The following CYP20A1 variants were observed in gnomAD, a reference collection of about 807,000 sequenced individuals.
CYP20A1 encodes cytochrome P450 family 20 subfamily A member 1.
CYP20A1 carries 61 observed loss-of-function variants against 61.4 expected under a neutral mutation model. The ratio of observed to expected loss-of-function variants is 0.99; its 90% CI spans 0.81 to 1.23. CYP20A1 has a LOEUF of 1.23. Ranked by LOEUF, CYP20A1 falls within the 50% of genes most tolerant of loss-of-function variation. The probability of loss-of-function intolerance (pLI) is 0.00; values close to 1 mark genes in which losing one functional copy is unlikely to be tolerated. For synonymous variants in CYP20A1, 193 were observed against 188.2 expected, an observed-to-expected ratio of 1.03 and a Z score of -0.21; for missense variants, 530 against 542.4, an observed-to-expected ratio of 0.98 and a Z score of 0.23.
chr2:203,296,194 G>T (rs1237533790), intron 11 of CYP20A1, among the ~76,000 whole-genome samples: 1 of 152,180 alleles, frequency 6.6e-6, no homozygotes, highest in Non-Finnish European at 1.5e-5. Context: ...AGTCCAGGAG[G>T]TCGAGGCTGC....
At chr2:203,279,354 A>G (rs930894092) in intron 7 of CYP20A1, among the ~76,000 whole-genome samples, 4 of 152,162 alleles carry the variant, frequency 2.6e-5, no homozygotes, top group Non-Finnish European at 5.9e-5. Flanking sequence ...ATATTATTTA[A>G]TATTATTAAA....
chr2:203,287,910 G>C (rs971430533), intron 9 of CYP20A1, among the ~76,000 whole-genome samples: 121 of 150,284 alleles, frequency 8.1e-4, no homozygotes, highest in African/African-American at 2.9e-3. Context: ...TTCTCTTTTC[G>C]TCTCTTCTTT....
chr2:203,294,831 C>T (rs1332950366), intron 11 of CYP20A1, among the ~76,000 whole-genome samples: 1 of 150,852 alleles, frequency 6.6e-6, no homozygotes, highest in East Asian at 2.0e-4. Flanking sequence ...GACGGGGTTT[C>T]ACCATGTTGC....
rs534962097 is a variant in CYP20A1 at position 203,250,445 on chromosome 2, A to G, written c.290-1522A>G. On this transcript the variant is annotated intron_variant, in intron 3 of 12. Coordinates refer to ENST00000356079, the MANE Select transcript of CYP20A1 (RefSeq NM_177538.3). ...TGCCTAAGGTCACAGCTAATTAGTGATGGAGCTAGGACTTGAAGTCAGGCA... is the reference window on the plus strand; with the variant it reads ...TGCCTAAGGTCACAGCTAATTAGTGGTGGAGCTAGGACTTGAAGTCAGGCA... 6.6e-4 allele frequency among the ~76,000 whole-genome samples: 100 copies of G among 152,324 alleles called. 1 individual carries two copies. Among genetic ancestry groups the G allele is most frequent in the African/African-American group, 2.3e-3 (94 of 41,572 alleles).
intron 4 of CYP20A1, among the ~76,000 whole-genome samples, chr2:203,258,681 T>C (rs972793598): frequency 1.3e-5 from 2 of 152,206 alleles, no homozygotes; most frequent in Non-Finnish European, 2.9e-5. Flanking sequence ...TGCACCCAAA[T>C]TCCCATTCTC....
chr2:203,247,277 TTAA>T (rs1165004213), intron 3 of CYP20A1, among the ~76,000 whole-genome samples: 1 of 151,686 alleles, frequency 6.6e-6, no homozygotes, highest in East Asian at 1.9e-4. Context: ...AAAAAAAGAA[TTAA>T]TGTTTATAAA....
At position 203,246,824 on chromosome 2, in the gene CYP20A1, A is replaced by G; in HGVS notation, c.192A>G (p.Arg64=). The G allele has an allele frequency of 6.2e-7, 1 of 1,614,102 alleles. No individual in the cohort carries two copies. The highest frequency in any genetic ancestry group is 1.1e-5 in the South Asian group (1 of 91,046). The change falls in exon 3 of 13, where the codon AGA becomes AGG. Residue 64 remains arginine, a synonymous_variant. Transcript: ENST00000356079. ...AGTTCCTGGTTAATTTGCATGAGAG[A>G]TATGGGCCTGTGGTCTCCTTCTGGT... ...LHEFLVNLHE[R]YGPVVSFWFG...
intron 9 of CYP20A1, among the ~76,000 whole-genome samples, chr2:203,287,360 C>T (rs1346513097): frequency 1.3e-5 from 2 of 151,350 alleles, no homozygotes; most frequent in Admixed American, 1.3e-4. Flanking sequence ...TTTTATCATA[C>T]CGAAGTGTAT....
intron 4 of CYP20A1, among the ~76,000 whole-genome samples, chr2:203,264,381 G>C (rs561728161): frequency 6.6e-6 from 1 of 152,010 alleles, no homozygotes; most frequent in Non-Finnish European, 1.5e-5. Context: ...CTACTTTGTC[G>C]TTATGAAATA....
intron 8 of CYP20A1, among the ~76,000 whole-genome samples, chr2:203,283,559 T>G (rs2068134825): frequency 6.8e-6 from 1 of 147,204 alleles, no homozygotes; most frequent in Non-Finnish European, 1.5e-5. Flanking sequence ...AATTTTTTTT[T>G]TTTTTTTTGA....
At chr2:203,239,397 C>T (rs1029111627) in intron 1 of CYP20A1, among the ~76,000 whole-genome samples, 3 of 152,222 alleles carry the variant, frequency 2.0e-5, no homozygotes, top group African/African-American at 7.2e-5. Flanking sequence ...AAAGCCCGCG[C>T]CCCCGCAGGC....
At chr2:203,283,035 G>A (rs2068106734) in intron 8 of CYP20A1, among the ~76,000 whole-genome samples, 1 of 151,840 alleles carries the variant, frequency 6.6e-6, no homozygotes, top group Non-Finnish European at 1.5e-5. Context: ...AGTTAGCTGT[G>A]CATGGTGGCA....
At chr2:203,284,618 G>A (rs999798855) in intron 8 of CYP20A1, among the ~76,000 whole-genome samples, 4 of 151,476 alleles carry the variant, frequency 2.6e-5, no homozygotes, top group Non-Finnish European at 4.4e-5. Context: ...AGATAAATTC[G>A]ATATTCCATT....
chr2:203,255,342 G>A (rs1362177786), intron 4 of CYP20A1, among the ~76,000 whole-genome samples: 2 of 152,084 alleles, frequency 1.3e-5, no homozygotes, highest in Admixed American at 6.5e-5. Flanking sequence ...CTTTGTTAAC[G>A]TATTAAATAG....
intron 2 of CYP20A1, among the ~76,000 whole-genome samples, 155 bp downstream of exon 2, chr2:203,246,050 G>A (rs1269912633): frequency 2.6e-5 from 4 of 152,158 alleles, no homozygotes; most frequent in Non-Finnish European, 5.9e-5. Flanking sequence ...ATGCTTCAGT[G>A]AGCTATGATT....
At chr2:203,263,875 T>G (rs559402110) in intron 4 of CYP20A1, among the ~76,000 whole-genome samples, 1 of 152,264 alleles carries the variant, frequency 6.6e-6, no homozygotes, top group East Asian at 1.9e-4. Flanking sequence ...GTTACTGTTG[T>G]TGATCTTTTT....
At chr2:203,270,636 A>G (rs2067523595) in intron 5 of CYP20A1, among the ~76,000 whole-genome samples, 1 of 151,630 alleles carries the variant, frequency 6.6e-6, no homozygotes, top group South Asian at 2.1e-4. Context: ...AGCTAAATCA[A>G]TTTAACTCTT....
intron 8 of CYP20A1, among the ~76,000 whole-genome samples, chr2:203,282,405 G>A (rs554842884): frequency 6.6e-6 from 1 of 152,030 alleles, no homozygotes; most frequent in South Asian, 2.1e-4. Context: ...AGGCTGAGGT[G>A]GGAGGATTGC....
At chr2:203,296,693 A>G in intron 12 of CYP20A1, 65 bp from the exon 13 acceptor site, 1 of 1,527,964 alleles carries the variant, frequency 6.5e-7, no homozygotes, top group Non-Finnish European at 8.8e-7. Flanking sequence ...GTTCATGTGC[A>G]GAACGTGCAG....
Sources: allele counts gnomAD v4.1 joint callset (sites outside exome capture counted in the v4.1 genomes callset), GRCh38; gene constraint gnomAD v4.1.1; transcripts MANE v1.5; gene names NCBI Gene and HGNC (gene_info 2026-07-23, HGNC 2026-07-21).